Variants in CDC45 observed in about 807,000 individuals in gnomAD.
The protein encoded by CDC45 is cell division control protein 45 homolog.
Under a neutral mutation model 77.8 loss-of-function variants are expected in CDC45, and 54 were observed. The ratio of observed to expected loss-of-function variants is 0.69; its 90% CI spans 0.56 to 0.87. The LOEUF is 0.87. Among genes scored for constraint, CDC45 ranks in the 40% least tolerant of loss-of-function variants. The pLI is 0.00. For missense variants in CDC45, 649 were observed against 721.6 expected (o/e 0.90, Z 1.15); for synonymous variants, 260 against 272.1 (o/e 0.96, Z 0.44).
chr22:19,516,723 A>T, intron 16 of CDC45, 78 bp downstream of exon 16: 1 of 1,090,408 alleles, frequency 9.2e-7, no homozygotes, highest in Admixed American at 2.2e-5. Context: ...TGCTGAGTAG[A>T]GTGGTATTTG....
rs531736362 is a variant in CDC45, at chr22:19,509,637, C to A, written c.1217+946C>A. On this transcript the variant is annotated intron_variant, in intron 13 of 18. Transcript: ENST00000263201. ...ATTATCCAGAGAGGTGTTATTCTGT[C>A]CCTTATTCTCTTTTTTTCTAATAGT... Among the ~76,000 whole-genome samples the A allele has an allele frequency of 7.2e-5, 11 of 152,286 alleles. No homozygotes were observed. The East Asian group carries it at 2.1e-3, about 29-fold the overall frequency.
Position 19,505,153 on chromosome 22 carries a change from A to G in CDC45, c.705-209A>G. The G allele has an allele frequency of 8.6e-6, 5 of 583,892 alleles. No individual in the cohort carries two copies. In the South Asian group the frequency reaches 9.8e-5, roughly 11 times the overall value. 36.2% of individuals were successfully genotyped at this position (583,892 alleles called of 1,614,324 possible). ...ATGAGGACCGGAGGTGGACAAGGCT[A>G]GAGACCACACCCCCCCGCTCCATCC... On this transcript the variant is annotated intron_variant, in intron 9 of 18. Coordinates refer to ENST00000263201, the MANE Select transcript of CDC45 (RefSeq NM_003504.5).
intron 9 of CDC45, among the ~76,000 whole-genome samples, chr22:19,500,855 G>C (rs1296240474): frequency 6.6e-6 from 1 of 152,154 alleles, no homozygotes; most frequent in African/African-American, 2.4e-5. Context: ...TTACTGCACA[G>C]TGGACATATG....
At chr22:19,499,267 A>G (rs2090297857) in intron 9 of CDC45, 116 bp downstream of exon 9, 1 of 1,008,592 alleles carries the variant, frequency 9.9e-7, no homozygotes, top group African/African-American at 1.6e-5. Flanking sequence ...TTGAGAAGTG[A>G]GGACTGGCCC....
intron 10 of CDC45, among the ~76,000 whole-genome samples, chr22:19,506,507 G>A (rs933219643): frequency 6.6e-6 from 1 of 152,152 alleles, no homozygotes; most frequent in African/African-American, 2.4e-5. Flanking sequence ...AGGGGCAGTG[G>A]TGGGAACTGA....
chr22:19,483,749 G>A (rs948707214), intron 4 of CDC45, 113 bp from the exon 5 acceptor site: 11 of 1,054,240 alleles, frequency 1.0e-5, no homozygotes, highest in Admixed American at 5.0e-5. Flanking sequence ...CTATTTGTAT[G>A]AACAGGAAAC....
At chr22:19,488,272 C>G (rs2090103763) in intron 5 of CDC45, among the ~76,000 whole-genome samples, 1 of 152,224 alleles carries the variant, frequency 6.6e-6, no homozygotes, top group Non-Finnish European at 1.5e-5. Context: ...TTTCCTTATG[C>G]TCATGGATTC....
intron 5 of CDC45, among the ~76,000 whole-genome samples, 191 bp from the exon 6 acceptor site, chr22:19,494,136 G>A (rs186282725): frequency 6.6e-6 from 1 of 152,194 alleles, no homozygotes; most frequent in East Asian, 1.9e-4. Flanking sequence ...AGCCAGAAGG[G>A]GTCACAGCCA....
chr22:19,507,236 A>C (rs1933241801), intron 10 of CDC45, 150 bp from the exon 11 acceptor site: 1 of 885,380 alleles, frequency 1.1e-6, no homozygotes, highest in South Asian at 1.6e-5. Context: ...TAAGAAGGTC[A>C]AAGGGCTCCA....
chr22:19,492,246 T>C (rs1304272718), intron 5 of CDC45, among the ~76,000 whole-genome samples: 1 of 152,164 alleles, frequency 6.6e-6, no homozygotes, highest in African/African-American at 2.4e-5. Flanking sequence ...CCAGAGGTTC[T>C]AGTTTTTTTG....
chr22:19,500,734 A>G (rs2090326608), intron 9 of CDC45, among the ~76,000 whole-genome samples: 1 of 151,322 alleles, frequency 6.6e-6, no homozygotes. Flanking sequence ...CCAGCCCAAA[A>G]CTCCTCAAGG....
At chr22:19,499,910 G>C (rs1225151460) in intron 9 of CDC45, among the ~76,000 whole-genome samples, 2 of 152,180 alleles carry the variant, frequency 1.3e-5, no homozygotes, top group South Asian at 2.1e-4. Flanking sequence ...ATTGGGTGCT[G>C]GTCTCCTCAT....
intron 8 of CDC45, 111 bp from the exon 9 acceptor site, chr22:19,498,990 C>T (rs2090292450): frequency 1.7e-6 from 2 of 1,185,712 alleles, no homozygotes; most frequent in South Asian, 1.3e-5. Flanking sequence ...ACTGGCAGGA[C>T]ATTCCCCAGA....
In CDC45 at chr22:19,482,715, G is replaced by C. The variant is rs745391711; in HGVS notation, c.230G>C (p.Cys77Ser). The C allele has an allele frequency of 4.7e-5, 76 of 1,612,874 alleles. No homozygotes were observed. The highest frequency in any genetic ancestry group is 6.1e-5 in the Non-Finnish European group (72 of 1,178,960). ...EQFHYFILIN[C>S]GANVDLLDIL... ...TTTCATTATTTTATTCTCATAAACT[G>C]TGGAGCTAATGTAGACCTATTGGAT... The change falls in exon 4 of 19, where the codon TGT becomes TCT. Residue 77 changes from cysteine (C) to serine (S), a missense_variant. By Grantham distance (112) the Cys-to-Ser change is moderately radical. Transcript: ENST00000263201.
chr22:19,519,877 G>A (rs1602006342), intron 18 of CDC45, among the ~76,000 whole-genome samples: 3 of 152,212 alleles, frequency 2.0e-5, no homozygotes, highest in East Asian at 1.9e-4. Context: ...TCAGACCCTC[G>A]GGGTTTTTGG....
At chr22:19,487,729 G>A (rs1437810250) in intron 5 of CDC45, among the ~76,000 whole-genome samples, 1 of 151,636 alleles carries the variant, frequency 6.6e-6, no homozygotes, top group Non-Finnish European at 1.5e-5. Flanking sequence ...CTGCTAACAC[G>A]GTGAAACCCC....
At position 19,507,991 on chromosome 22, in the gene CDC45, A is replaced by C. The variant is rs544886743; in HGVS notation, c.1055+127A>C. On this transcript the variant is annotated intron_variant, in intron 12 of 18. Coordinates refer to ENST00000263201, the MANE Select transcript of CDC45 (RefSeq NM_003504.5). ...ACGTGCTCCTAAAATAATGCAAAAA[A>C]AACAACAACCCGAGAATGTACAAAT... The C allele has an allele frequency of 3.6e-5, 23 of 647,010 alleles. No homozygotes were observed. The Admixed American group carries it at 5.5e-4, about 15-fold the overall frequency. 40.1% of individuals were successfully genotyped at this position (647,010 alleles called of 1,614,324 possible).
At chr22:19,515,615 G>A (rs1933744477) in intron 15 of CDC45, among the ~76,000 whole-genome samples, 1 of 152,200 alleles carries the variant, frequency 6.6e-6, no homozygotes, top group African/African-American at 2.4e-5. Flanking sequence ...CTAACAGGAA[G>A]TTGAACTTTT....
At position 19,499,163 on chromosome 22, in the gene CDC45, C is replaced by A. The variant is rs375744172; in HGVS notation, c.704+12C>A. On this transcript the variant is annotated intron_variant, in intron 9 of 18. Transcript: ENST00000263201. ...GACAAGATCACTCAGTAAGGACACA[C>A]TCCCTTGCCTTGCAGGGTCAGCCCT... The A allele has an allele frequency of 1.2e-6, 2 of 1,613,736 alleles. No homozygotes were observed. The highest frequency in any genetic ancestry group is 1.7e-6 in the Non-Finnish European group (2 of 1,179,794).
Sources: gnomAD v4.1 joint callset for allele counts (sites outside exome capture counted in the v4.1 genomes callset) on GRCh38, gnomAD v4.1.1 for gene constraint, MANE v1.5 for transcripts, NCBI Gene and HGNC (gene_info 2026-07-23, HGNC 2026-07-21) for gene names.